The following SPACA9 variants were observed in gnomAD, a reference collection of about 807,000 sequenced individuals.
SPACA9 encodes sperm acrosome-associated protein 9.
A neutral mutation model predicts 12.5 loss-of-function variants in SPACA9; 14 were observed. The ratio of observed to expected loss-of-function variants is 1.12; its 90% confidence interval spans 0.74 to 1.75. SPACA9 has a LOEUF of 1.75. Among genes scored for constraint, SPACA9 ranks in the 40% most tolerant of loss-of-function variants. SPACA9 has a pLI of 0.00. For missense variants in SPACA9, 292 were observed against 291.9 expected (o/e 1.00, Z 0.00); for synonymous variants, 111 against 114.1 (o/e 0.97, Z 0.17).
At position 132,887,949 on chromosome 9, in the gene SPACA9, C is replaced by G. The variant is rs1209097020; in HGVS notation, c.348-341C>G. On this transcript the variant is annotated intron_variant, in intron 3 of 3. Coordinates refer to ENST00000356311, the MANE Select transcript of SPACA9 (RefSeq NM_001316897.2). The surrounding 1 kb of genome is among the most constrained non-coding windows in gnomAD (Gnocchi z 5.4). ...GCTCCTCATCCTGACAGCCCGGGAG[C>G]CTGCAGCACAGTGGGCCAGAGCCTG... Among the ~76,000 whole-genome samples the G allele has an allele frequency of 6.6e-6, 1 of 152,118 alleles. No homozygotes were observed. The highest frequency in any genetic ancestry group is 1.5e-5 in the Non-Finnish European group (1 of 68,016).
intron 2 of SPACA9, among the ~76,000 whole-genome samples, 170 bp downstream of exon 2, chr9:132,884,261 A>G (rs549819167): frequency 6.6e-6 from 1 of 152,312 alleles, no homozygotes; most frequent in Non-Finnish European, 1.5e-5. Flanking sequence ...TCTACCAAAT[A>G]TGTAAGTGAA....
chr9:132,884,132 C>G, intron 2 of SPACA9, 41 bp downstream of exon 2: 2 of 1,594,564 alleles, frequency 1.3e-6, no homozygotes, highest in African/African-American at 2.7e-5. Context: ...GGGCAACAAG[C>G]CCAGTCCCCT....
At chr9:132,878,624 C>A, upstream of SPACA9, 1 of 1,051,568 alleles carries the variant, frequency 9.5e-7, no homozygotes, top group Non-Finnish European at 1.1e-6. This position sits in a 1 kb window ranked among gnomAD's most constrained non-coding sequence, Gnocchi z 4.7. Context: ...GCTCCCCGGC[C>A]CGGCTCCCTG....
chr9:132,884,546 A>G (rs1432521740), intron 2 of SPACA9, among the ~76,000 whole-genome samples: 2 of 152,190 alleles, frequency 1.3e-5, no homozygotes, highest in Non-Finnish European at 2.9e-5. Flanking sequence ...AGATGTTTTT[A>G]TTTAACCTGC....
rs774754661 is a variant in SPACA9 at position 132,887,340 on chromosome 9, C to T, written c.145-29C>T. 2 of 1,602,584 alleles carry T rather than the reference C, an allele frequency of 1.2e-6. No individual in the cohort carries two copies. The highest frequency in any genetic ancestry group is 1.7e-6 in the Non-Finnish European group (2 of 1,177,540). The stretch of plus-strand genomic sequence containing the variant: ...CAGCCAGGACCCGGGTTGGCATGTC[C>T]CCAGCTCATGTGGCGGCGGCCCTTG... On this transcript the variant is annotated intron_variant, in intron 2 of 3. Transcript: ENST00000356311. The surrounding 1 kb of genome is among the most constrained non-coding windows in gnomAD (Gnocchi z 5.4).
intron 2 of SPACA9, among the ~76,000 whole-genome samples, chr9:132,884,519 C>A (rs1262240474): frequency 6.6e-6 from 1 of 152,234 alleles, no homozygotes; most frequent in African/African-American, 2.4e-5. Context: ...GCCAAGCACA[C>A]CGCCAGGTGC....
In SPACA9 at chr9:132,887,390, T is replaced by C; in HGVS notation, c.166T>C (p.Tyr56His). ...IGQVQSYMEH[Y>H]CNSSTDRRVL... ...GCAGGTGCAGAGCTACATGGAACACTACTGCAACAGCTCCACAGACCGGCG... is the reference window on the plus strand; with the variant it reads ...GCAGGTGCAGAGCTACATGGAACACCACTGCAACAGCTCCACAGACCGGCG... Residue 56 changes from tyrosine to histidine, a missense_variant, in exon 3 of 4, where the codon TAC becomes CAC. Physicochemically the swap from Tyr to His is moderately conservative, Grantham distance 83 (BLOSUM62 2). Transcript: ENST00000356311. The surrounding 1 kb of genome is among the most constrained non-coding windows in gnomAD (Gnocchi z 5.4). 6.2e-7 allele frequency: 1 copy of C among 1,612,914 alleles called. No individual in the cohort carries two copies. The highest frequency in any genetic ancestry group is 8.5e-7 in the Non-Finnish European group (1 of 1,179,998).
chr9:132,881,140 C>T (rs994084652), intron 1 of SPACA9, among the ~76,000 whole-genome samples: 1 of 151,436 alleles, frequency 6.6e-6, no homozygotes, highest in African/African-American at 2.4e-5. Flanking sequence ...CTTTTCTTTA[C>T]AAATTCTGAT....
rs771297588 is a variant in SPACA9 at position 132,889,947 on chromosome 9, C to T, written c.*1336C>T. 9 of 1,498,826 alleles carry T rather than the reference C, an allele frequency of 6.0e-6. No individual in the cohort carries two copies. The African/African-American group carries it at 8.5e-5, about 14-fold the overall frequency. The allele number at this position is 1,498,826 out of a possible 1,614,324, so 92.8% of individuals were successfully genotyped here. ...AAGTAATGTCTGACTGTTGGTTTTT[C>T]CCTTCACAGGGGACGACTTAGCTTC... On this transcript the variant is annotated 3_prime_UTR_variant, in exon 4 of 4. Coordinates refer to ENST00000356311, the MANE Select transcript of SPACA9 (RefSeq NM_001316897.2).
rs762586448 is a variant in SPACA9 at position 132,888,852 on chromosome 9, C to T, written c.*241C>T. ...GCGCAACCTCGGCTCACTGCAACCT[C>T]CGCCTCCCAGGTTCACGCCATTCTC... is the stretch of plus-strand genomic sequence containing the variant. On this transcript the variant is annotated 3_prime_UTR_variant, in exon 4 of 4. Transcript: ENST00000356311. This position sits in a 1 kb window ranked among gnomAD's most constrained non-coding sequence, Gnocchi z 5.0. 7 of 916,408 alleles carry T rather than the reference C, an allele frequency of 7.6e-6. No homozygotes were observed. The highest frequency in any genetic ancestry group is 8.8e-6 in the Non-Finnish European group (6 of 683,892). The allele number at this position is 916,408 out of a possible 1,614,324, so 56.8% of individuals were successfully genotyped here. A position where few individuals can be genotyped will look rare whatever the true frequency, so the allele number is the denominator to read the frequency against.
chr9:132,887,449 G>A lies in SPACA9; in HGVS notation c.225G>A (p.Glu75=), dbSNP rs1376517773. ...TCATGTTCCTGGACATCTGTTCAGA[G>A]CTGAATAAGCTCTGCCAGCACTTTG... is the stretch of plus-strand genomic sequence containing the variant. ...VLLMFLDICS[E]LNKLCQHFEA... The change falls in exon 3 of 4, where the codon GAG becomes GAA. Residue 75 remains glutamate (E), a synonymous_variant. Transcript: ENST00000356311. The surrounding 1 kb of genome is among the most constrained non-coding windows in gnomAD (Gnocchi z 5.4). The A allele has an allele frequency of 1.2e-6, 2 of 1,613,564 alleles. No individual in the cohort carries two copies. Among genetic ancestry groups the A allele is most frequent in the Non-Finnish European group, 1.7e-6 (2 of 1,180,026 alleles).
At chr9:132,884,207 C>T (rs767888167) in intron 2 of SPACA9, 116 bp downstream of exon 2, 50 of 1,078,288 alleles carry the variant, frequency 4.6e-5, no homozygotes, top group Admixed American at 7.9e-5. Context: ...AATTAGGACC[C>T]GGACCCAGAA....
chr9:132,881,053 T>C (rs1844410912), intron 1 of SPACA9, among the ~76,000 whole-genome samples: 1 of 151,840 alleles, frequency 6.6e-6, no homozygotes, highest in Admixed American at 6.5e-5. Flanking sequence ...CTCAATCTCC[T>C]GACTTCGTGA....
intron 2 of SPACA9, among the ~76,000 whole-genome samples, chr9:132,885,534 A>C (rs969077967): frequency 6.6e-6 from 1 of 151,634 alleles, no homozygotes; most frequent in African/African-American, 2.4e-5. Context: ...AAAAAAAAAA[A>C]AGTTAAATGT....
chr9:132,878,434 C>A (rs1359877763), upstream of SPACA9: 2 of 1,230,814 alleles, frequency 1.6e-6, no homozygotes, highest in African/African-American at 1.6e-5. The surrounding 1 kb of genome is among the most constrained non-coding windows in gnomAD (Gnocchi z 4.7). Context: ...CTCTGCGGCT[C>A]GGGCAAGTTC....
chr9:132,887,138 TATCC>T lies in SPACA9; in HGVS notation c.145-191_145-188del, dbSNP rs59019466. Among the ~76,000 whole-genome samples the T allele has an allele frequency of 0.017, 2,467 of 149,190 alleles. 32 individuals are homozygous for T. The highest frequency in any genetic ancestry group is 0.033 in the African/African-American group (1,345 of 40,712). On this transcript the variant is annotated intron_variant, in intron 2 of 3. Coordinates refer to ENST00000356311, the MANE Select transcript of SPACA9 (RefSeq NM_001316897.2). The surrounding 1 kb of genome is among the most constrained non-coding windows in gnomAD (Gnocchi z 5.4). Reference sequence around the variant, plus strand: ...CGATCCATTAATTTCATATCATATCTATCCATCCATCCATCCATCCATCCATCCA... The same window carrying T: ...CGATCCATTAATTTCATATCATATCTATCCATCCATCCATCCATCCATCCA...
chr9:132,878,744 A>T, upstream of SPACA9: 2 of 986,398 alleles, frequency 2.0e-6, no homozygotes, highest in Non-Finnish European at 2.4e-6. This position sits in a 1 kb window ranked among gnomAD's most constrained non-coding sequence, Gnocchi z 4.7. Context: ...GATCGGGTGG[A>T]AATCCTCAGC....
At position 132,887,917 on chromosome 9, in the gene SPACA9, A is replaced by G. The variant is rs113330256; in HGVS notation, c.347+346A>G. On this transcript the variant is annotated intron_variant, in intron 3 of 3. Coordinates refer to ENST00000356311, the MANE Select transcript of SPACA9 (RefSeq NM_001316897.2). This position sits in a 1 kb window ranked among gnomAD's most constrained non-coding sequence, Gnocchi z 5.4. ...GCCTCCCAGGGGCAGCAGCACTGGC[A>G]CTGAGGGCTCCTCATCCTGACAGCC... 2.2e-3 allele frequency among the ~76,000 whole-genome samples: 332 copies of G among 152,174 alleles called. 3 individuals carry two copies. Among genetic ancestry groups the G allele is most frequent in the African/African-American group, 7.4e-3 (306 of 41,526 alleles).
At chr9:132,879,700 C>T (rs529217933) in intron 1 of SPACA9, among the ~76,000 whole-genome samples, 1 of 152,300 alleles carries the variant, frequency 6.6e-6, no homozygotes, top group African/African-American at 2.4e-5. Context: ...CTTCCCCTTT[C>T]TGGGCTTCTT....
Sources: allele counts gnomAD v4.1 joint callset (sites outside exome capture counted in the v4.1 genomes callset), GRCh38; gene constraint gnomAD v4.1.1; non-coding constraint Gnocchi (gnomAD v3.1); transcripts MANE v1.5; gene names NCBI Gene and HGNC (gene_info 2026-07-23, HGNC 2026-07-21).